Variants in GABRB1 observed in about 807,000 individuals in gnomAD.
GABRB1 encodes the protein gamma-aminobutyric acid receptor subunit beta-1.
Under a neutral mutation model 51.6 loss-of-function variants are expected in GABRB1, and 17 were observed. That is an observed-to-expected ratio of 0.33 (90% CI 0.23 to 0.49). GABRB1 has a LOEUF of 0.49. GABRB1 is among the 20% of genes least tolerant of loss of function. The probability of loss-of-function intolerance (pLI) is 0.99; values close to 1 mark genes in which losing one functional copy is unlikely to be tolerated. For synonymous variants in GABRB1, 247 were observed against 218.9 expected, an observed-to-expected ratio of 1.13 and a Z score of -1.14; for missense variants, 410 against 600.6, an observed-to-expected ratio of 0.68 and a Z score of 3.32.
At chr4:47,409,105 G>A (rs2110057387) in intron 8 of GABRB1, among the ~76,000 whole-genome samples, 2 of 152,334 alleles carry the variant, frequency 1.3e-5, no homozygotes, top group African/African-American at 4.8e-5. Flanking sequence ...CAGACGGGCA[G>A]GTGTGGGAGC....
chr4:47,301,554 A>G (rs2109938925), intron 4 of GABRB1, among the ~76,000 whole-genome samples: 1 of 151,430 alleles, frequency 6.6e-6, no homozygotes, highest in African/African-American at 2.4e-5. Flanking sequence ...GGATCGCTTG[A>G]GCCCAGGAAG....
At chr4:47,123,805 CATATATT>C (rs1193253836) in intron 3 of GABRB1, among the ~76,000 whole-genome samples, 2 of 66,828 alleles carry the variant, frequency 3.0e-5, no homozygotes, top group African/African-American at 6.0e-5. Flanking sequence ...TATTATATAT[CATATATT>C]ATATATTATA....
chr4:47,077,972 T>TATATATA (rs35262355), intron 3 of GABRB1, among the ~76,000 whole-genome samples: 31 of 127,736 alleles, frequency 2.4e-4, no homozygotes, highest in East Asian at 1.3e-3. Context: ...ATATATATTT[T>TATATATA]ATATATAATA....
chr4:47,185,105 C>T (rs1295123978), intron 4 of GABRB1, among the ~76,000 whole-genome samples: 2 of 151,834 alleles, frequency 1.3e-5, no homozygotes, highest in African/African-American at 4.8e-5. Context: ...AAAGAATGTT[C>T]TGCTTGCATC....
At position 47,043,914 on chromosome 4, in the gene GABRB1, T is replaced by A. The variant is rs528428043; in HGVS notation, c.240+11430T>A. 2.6e-5 allele frequency among the ~76,000 whole-genome samples: 4 copies of A among 152,224 alleles called. No homozygotes were observed. In the South Asian group the frequency reaches 8.3e-4, roughly 32 times the overall value. On this transcript the variant is annotated intron_variant, in intron 3 of 8. Transcript: ENST00000295454. ...CTTTTTATATCAGAATGTGAATGAA[T>A]GGTTGCATGAGAGAACAGGTTTGCT... is the stretch of plus-strand genomic sequence containing the variant.
intron 3 of GABRB1, among the ~76,000 whole-genome samples, chr4:47,147,061 TA>T (rs1472237032): frequency 6.6e-6 from 1 of 152,060 alleles, no homozygotes; most frequent in Non-Finnish European, 1.5e-5. Flanking sequence ...AAGGCACATT[TA>T]AAATGTATTT....
chr4:47,169,072 G>A (rs1048108284), intron 4 of GABRB1, among the ~76,000 whole-genome samples: 1 of 152,022 alleles, frequency 6.6e-6, no homozygotes, highest in South Asian at 2.1e-4. Context: ...TTCAAATAAG[G>A]TCATATTCTA....
At chr4:47,298,439 C>A (rs865893507) in intron 4 of GABRB1, among the ~76,000 whole-genome samples, 2 of 152,018 alleles carry the variant, frequency 1.3e-5, no homozygotes, top group African/African-American at 4.8e-5. Flanking sequence ...TCTTATACAC[C>A]AATAACAGAC....
At chr4:47,122,077 C>T (rs1464736109) in intron 3 of GABRB1, among the ~76,000 whole-genome samples, 1 of 152,130 alleles carries the variant, frequency 6.6e-6, no homozygotes, top group Non-Finnish European at 1.5e-5. Flanking sequence ...CAAAAACAGC[C>T]TAGAGCAGAG....
chr4:47,221,069 C>T (rs1041873675), intron 4 of GABRB1, among the ~76,000 whole-genome samples: 3 of 152,014 alleles, frequency 2.0e-5, no homozygotes, highest in Non-Finnish European at 2.9e-5. Context: ...TCCATCCTTT[C>T]TCCAACCCAA....
chr4:47,160,901 A>G (rs1233625294), intron 3 of GABRB1, among the ~76,000 whole-genome samples: 1 of 152,008 alleles, frequency 6.6e-6, no homozygotes, highest in Non-Finnish European at 1.5e-5. Context: ...ATCCTGCTAC[A>G]TCAGCCTCCC....
chr4:47,375,726 G>A (rs1484662170), intron 5 of GABRB1, among the ~76,000 whole-genome samples: 1 of 152,198 alleles, frequency 6.6e-6, no homozygotes, highest in Non-Finnish European at 1.5e-5. Context: ...ACAGCCTACT[G>A]ACCAGAATGA....
At chr4:47,424,113 A>G (rs928436445) in intron 8 of GABRB1, among the ~76,000 whole-genome samples, 2 of 152,192 alleles carry the variant, frequency 1.3e-5, no homozygotes, top group African/African-American at 4.8e-5. Flanking sequence ...GTCAGTCGCC[A>G]TTTCTCTCTC....
chr4:47,383,188 C>T (rs568182014), intron 5 of GABRB1, among the ~76,000 whole-genome samples: 2 of 152,290 alleles, frequency 1.3e-5, no homozygotes, highest in South Asian at 4.1e-4. Context: ...GCTATCCAAC[C>T]TGATTCTAGA....
intron 4 of GABRB1, among the ~76,000 whole-genome samples, chr4:47,239,799 G>A (rs1721458610): frequency 6.6e-6 from 1 of 152,208 alleles, no homozygotes; most frequent in African/African-American, 2.4e-5. Context: ...GATGGATGCA[G>A]TCGTGGGCTG....
At chr4:47,076,049 A>T (rs1205340730) in intron 3 of GABRB1, among the ~76,000 whole-genome samples, 3 of 152,146 alleles carry the variant, frequency 2.0e-5, no homozygotes. Context: ...CAAGCCATAA[A>T]CTTGCCCTAA....
chr4:47,118,468 T>A (rs1715603120), intron 3 of GABRB1, among the ~76,000 whole-genome samples: 1 of 152,054 alleles, frequency 6.6e-6, no homozygotes, highest in Non-Finnish European at 1.5e-5. Context: ...TTTACAGTTT[T>A]AAAAAAATGA....
chr4:47,326,928 G>T (rs1725283575), intron 5 of GABRB1, among the ~76,000 whole-genome samples: 1 of 152,148 alleles, frequency 6.6e-6, no homozygotes, highest in African/African-American at 2.4e-5. Context: ...TAAACTTCCT[G>T]TGAGGGAAGG....
chr4:47,074,863 C>A (rs1159442482), intron 3 of GABRB1, among the ~76,000 whole-genome samples: 2 of 152,204 alleles, frequency 1.3e-5, no homozygotes, highest in Non-Finnish European at 2.9e-5. Flanking sequence ...CCAAAAGTAA[C>A]TAAGTGGCAG....
Sources: gnomAD v4.1 joint callset for allele counts (sites outside exome capture counted in the v4.1 genomes callset) on GRCh38, gnomAD v4.1.1 for gene constraint, MANE v1.5 for transcripts, NCBI Gene and HGNC (gene_info 2026-07-23, HGNC 2026-07-21) for gene names.